The following DENND5B variants were observed in gnomAD, a reference collection of about 807,000 sequenced individuals.
DENND5B encodes DENN domain-containing protein 5B.
DENND5B carries 34 observed loss-of-function variants against 140.6 expected under a neutral mutation model. The observed-to-expected ratio is 0.24, with a 90% CI of 0.18 to 0.32. The LOEUF is 0.32. DENND5B is among the 10% of genes least tolerant of loss of function. DENND5B has a pLI of 1.00. For synonymous variants in DENND5B, 551 were observed against 562.1 expected, an observed-to-expected ratio of 0.98 and a Z score of 0.28; for missense variants, 1,142 against 1,560.2, an observed-to-expected ratio of 0.73 and a Z score of 4.52.
intron 1 of DENND5B, among the ~76,000 whole-genome samples, chr12:31,578,632 C>G (rs1332368708): frequency 6.6e-6 from 1 of 152,142 alleles, no homozygotes; most frequent in African/African-American, 2.4e-5. Flanking sequence ...TGAATCCATT[C>G]CACTTATTTT....
chr12:31,423,510 G>T lies in DENND5B; in HGVS notation c.2470+87C>A. On this transcript the variant is annotated intron_variant, in intron 11 of 20. Transcript: ENST00000389082. The stretch of plus-strand genomic sequence containing the variant: ...TGGCAAAATGAGTAAATTTTAGCTT[G>T]AGAGAGAAAGAGATCAAGACAAGGC... 2.2e-6 allele frequency: 3 copies of T among 1,348,046 alleles called. No individual in the cohort carries two copies. The South Asian group carries it at 3.9e-5, about 18-fold the overall frequency. 83.5% of individuals were successfully genotyped at this position (1,348,046 alleles called of 1,614,324 possible).
At chr12:31,423,804 T>C in intron 10 of DENND5B, 129 bp from the exon 11 acceptor site, 1 of 821,968 alleles carries the variant, frequency 1.2e-6, no homozygotes, top group East Asian at 2.6e-5. Flanking sequence ...TTCCTAGTTG[T>C]ATGACATTCT....
At chr12:31,556,070 C>CTACT (rs1949270655) in intron 1 of DENND5B, among the ~76,000 whole-genome samples, 1 of 152,240 alleles carries the variant, frequency 6.6e-6, no homozygotes, top group African/African-American at 2.4e-5. Flanking sequence ...TGTCCTGCAC[C>CTACT]TACTGTCTGG....
chr12:31,506,313 T>C (rs560243908), intron 1 of DENND5B: 1 of 152,278 alleles, frequency 6.6e-6, no homozygotes, highest in Admixed American at 6.5e-5. Flanking sequence ...TAAAGGCCAG[T>C]CAAGTGAAGC....
At chr12:31,577,698 G>A (rs1210854924) in intron 1 of DENND5B, among the ~76,000 whole-genome samples, 4 of 104,634 alleles carry the variant, frequency 3.8e-5, no homozygotes, top group African/African-American at 7.8e-5. Context: ...GCGACAGAAC[G>A]AGACTCTGTC....
Position 31,419,921 on chromosome 12 carries a change from C to G in DENND5B, c.2470+3676G>C, listed in dbSNP as rs554290919. 4.5e-4 allele frequency: 335 copies of G among 748,806 alleles called. 1 individual carries two copies. In the South Asian group the frequency reaches 0.011, roughly 26 times the overall value. 46.4% of individuals were successfully genotyped at this position (748,806 alleles called of 1,614,324 possible). On this transcript the variant is annotated intron_variant, in intron 11 of 20. Coordinates refer to ENST00000389082, the MANE Select transcript of DENND5B (RefSeq NM_144973.4). Reference sequence around the variant, plus strand: ...CCAGGAAGTGGAGGTTGCAGTGAGCCAAGACTGCGCCATTGCACTCTAGCC... The same window carrying G: ...CCAGGAAGTGGAGGTTGCAGTGAGCGAAGACTGCGCCATTGCACTCTAGCC...
chr12:31,426,434 CAAG>C lies in DENND5B; in HGVS notation c.2107-13_2107-11del. ...CCTCTTGCATATATTTCTAAAAAAT[CAAG>C]GAGTATTTTTAATGCGTAAACATTA... On this transcript the variant is annotated splice_polypyrimidine_tract_variant and intron_variant, in intron 8 of 20. Coordinates refer to ENST00000389082, the MANE Select transcript of DENND5B (RefSeq NM_144973.4). The C allele has an allele frequency of 6.2e-7, 1 of 1,606,112 alleles. No homozygotes were observed. Among genetic ancestry groups the C allele is most frequent in the Non-Finnish European group, 8.5e-7 (1 of 1,176,380 alleles).
intron 14 of DENND5B, 138 bp from the exon 15 acceptor site, chr12:31,402,781 T>G (rs1045435644): frequency 1.9e-6 from 2 of 1,067,398 alleles, no homozygotes; most frequent in South Asian, 2.1e-5. Context: ...ATACGAAAAG[T>G]TGAGATCATA....
intron 1 of DENND5B, among the ~76,000 whole-genome samples, chr12:31,507,279 G>A (rs1289482633): frequency 2.0e-5 from 3 of 151,970 alleles, no homozygotes; most frequent in Admixed American, 1.3e-4. Context: ...TAGGACTACA[G>A]GTGCACGCCA....
At chr12:31,562,013 T>A (rs1414932372) in intron 1 of DENND5B, among the ~76,000 whole-genome samples, 1 of 152,232 alleles carries the variant, frequency 6.6e-6, no homozygotes, top group East Asian at 1.9e-4. Context: ...TTACATTAAT[T>A]GGGTACTTCC....
intron 1 of DENND5B, among the ~76,000 whole-genome samples, chr12:31,505,372 G>A (rs1378656383): frequency 6.6e-6 from 1 of 151,648 alleles, no homozygotes; most frequent in East Asian, 1.9e-4. Flanking sequence ...CCAAGTAGCT[G>A]GGACTACAGG....
chr12:31,451,469 G>A (rs1378714304), intron 5 of DENND5B, among the ~76,000 whole-genome samples: 1 of 152,034 alleles, frequency 6.6e-6, no homozygotes, highest in African/African-American at 2.4e-5. Flanking sequence ...GACTACAGGT[G>A]TGCGCCACCA....
intron 1 of DENND5B, among the ~76,000 whole-genome samples, chr12:31,518,279 T>C (rs1947746962): frequency 1.3e-5 from 2 of 152,226 alleles, no homozygotes; most frequent in African/African-American, 4.8e-5. Context: ...ACTTGAATTA[T>C]CTTTAAGAGC....
At chr12:31,587,984 C>T (rs1434571118) in intron 1 of DENND5B, among the ~76,000 whole-genome samples, 1 of 152,146 alleles carries the variant, frequency 6.6e-6, no homozygotes, top group African/African-American at 2.4e-5. Flanking sequence ...TGCTCAAAAC[C>T]TTCCAATACT....
intron 3 of DENND5B, among the ~76,000 whole-genome samples, chr12:31,468,935 CAG>C (rs935011278): frequency 2.2e-4 from 34 of 152,056 alleles, no homozygotes; most frequent in Non-Finnish European, 3.4e-4. Context: ...ACAGATATAA[CAG>C]GGGTCAAGAA....
At chr12:31,464,819 C>T (rs542910491) in intron 3 of DENND5B, among the ~76,000 whole-genome samples, 4 of 152,152 alleles carry the variant, frequency 2.6e-5, no homozygotes, top group Non-Finnish European at 5.9e-5. Context: ...CCTGCCTCCG[C>T]CTCCCAAAGT....
At chr12:31,539,220 C>T (rs966056612) in intron 1 of DENND5B, among the ~76,000 whole-genome samples, 1 of 151,956 alleles carries the variant, frequency 6.6e-6, no homozygotes, top group African/African-American at 2.4e-5. Flanking sequence ...CAATAACAAG[C>T]AACAACATCA....
Position 31,385,469 on chromosome 12 carries a change from T to C in DENND5B, c.*2134A>G, listed in dbSNP as rs1940811434. 1.3e-5 allele frequency: 2 copies of C among 152,324 alleles called. No individual in the cohort carries two copies. The highest frequency in any genetic ancestry group is 1.3e-4 in the Admixed American group (2 of 15,298). The allele number at this position is 152,324 out of a possible 1,614,324, so 9.4% of individuals were successfully genotyped here. A position where few individuals can be genotyped will look rare whatever the true frequency, so the allele number is the denominator to read the frequency against. On this transcript the variant is annotated 3_prime_UTR_variant, in exon 21 of 21. Coordinates refer to ENST00000389082, the MANE Select transcript of DENND5B (RefSeq NM_144973.4). ...TAGACCTGTCAGGAGCATGGCCTTA[T>C]GAAGATACAAACATGAAATCCTGGG...
At chr12:31,543,685 T>C (rs10771846) in intron 1 of DENND5B, among the ~76,000 whole-genome samples, 84,710 of 151,992 alleles carry the variant, frequency 0.56, 24,056 homozygotes, top group East Asian at 0.82. Context: ...TTACTTAGCA[T>C]GTAATAAAAG....
Sources: allele counts gnomAD v4.1 joint callset (sites outside exome capture counted in the v4.1 genomes callset), GRCh38; gene constraint gnomAD v4.1.1; transcripts MANE v1.5; gene names NCBI Gene and HGNC (gene_info 2026-07-23, HGNC 2026-07-21).